The following DOK5 variants were observed in gnomAD, a reference collection of about 807,000 sequenced individuals.
DOK5 encodes the protein downstream of tyrosine kinase 5.
DOK5 carries 27 observed loss-of-function variants against 43.3 expected under a neutral mutation model. The ratio of observed to expected loss-of-function variants is 0.62; its 90% CI spans 0.46 to 0.86. The LOEUF (loss-of-function observed/expected upper bound fraction) is 0.86, where lower values mean the gene tolerates loss of function less well. DOK5 is among the 40% of genes least tolerant of loss of function. The probability of loss-of-function intolerance (pLI) is 0.00; values close to 1 mark genes in which losing one functional copy is unlikely to be tolerated. For missense variants in DOK5, 373 were observed against 392.9 expected, an observed-to-expected ratio of 0.95 and a Z score of 0.43; for synonymous variants, 146 against 140.1, an observed-to-expected ratio of 1.04 and a Z score of -0.30.
intron 1 of DOK5, among the ~76,000 whole-genome samples, chr20:54,481,493 C>T (rs574514502): frequency 1.1e-3 from 163 of 152,188 alleles, no homozygotes; most frequent in African/African-American, 3.7e-3. Context: ...TTTATTTCTT[C>T]TCCCTCTCCT....
intron 1 of DOK5, among the ~76,000 whole-genome samples, chr20:54,525,082 T>G (rs1983534442): frequency 6.6e-6 from 1 of 152,248 alleles, no homozygotes; most frequent in South Asian, 2.1e-4. Flanking sequence ...GGCATTGCTC[T>G]GAGCACTTGT....
At chr20:54,485,353 C>CAAA (rs546070379) in intron 1 of DOK5, among the ~76,000 whole-genome samples, 160 of 77,390 alleles carry the variant, frequency 2.1e-3, no homozygotes, top group African/African-American at 6.4e-3. Flanking sequence ...GACTCCGTCT[C>CAAA]AAAAAAAAAA....
intron 1 of DOK5, among the ~76,000 whole-genome samples, chr20:54,544,740 T>G (rs1176434862): frequency 1.3e-5 from 2 of 152,114 alleles, no homozygotes; most frequent in Non-Finnish European, 2.9e-5. Flanking sequence ...TCCTGTGTAC[T>G]GAGTCCACTC....
At position 54,588,588 on chromosome 20, in the gene DOK5, T is replaced by C; in HGVS notation, c.280T>C (p.Cys94Arg). Residue 94 changes from cysteine (C) to arginine (R), a missense_variant, in exon 3 of 8, where the codon TGC becomes CGC. Physicochemically the swap from Cys to Arg is radical, Grantham distance 180. Coordinates refer to ENST00000262593, the MANE Select transcript of DOK5 (RefSeq NM_018431.5). ...FNDDTSKTFA[C>R]ESDLEADEWC... ...TGACGATACCTCCAAGACTTTTGCT[T>C]GCGAATCAGGTTTGTCTCAGGCAGG... The C allele has an allele frequency of 6.2e-7, 1 of 1,614,178 alleles. No homozygotes were observed. Among genetic ancestry groups the C allele is most frequent in the Non-Finnish European group, 8.5e-7 (1 of 1,179,990 alleles).
At chr20:54,645,758 C>T (rs928985592) in intron 7 of DOK5, among the ~76,000 whole-genome samples, 5 of 152,024 alleles carry the variant, frequency 3.3e-5, no homozygotes, top group African/African-American at 1.2e-4. Context: ...GAGAGCTGTG[C>T]CTCCTTCTAT....
chr20:54,615,505 C>A (rs958031807), intron 6 of DOK5, among the ~76,000 whole-genome samples: 9 of 152,124 alleles, frequency 5.9e-5, no homozygotes, highest in Admixed American at 2.6e-4. Context: ...AGCAGAGAGA[C>A]AGAGATAGAG....
intron 6 of DOK5, among the ~76,000 whole-genome samples, chr20:54,610,922 A>G (rs1005632236): frequency 2.0e-5 from 3 of 152,234 alleles, no homozygotes; most frequent in African/African-American, 7.2e-5. Flanking sequence ...GTGAAATGTC[A>G]AAAGCCCAAG....
At chr20:54,602,201 G>T (rs1171057130) in intron 5 of DOK5, among the ~76,000 whole-genome samples, 3 of 152,196 alleles carry the variant, frequency 2.0e-5, no homozygotes, top group African/African-American at 7.2e-5. Context: ...TTTGATGCCG[G>T]ATCCTTTGCT....
intron 1 of DOK5, among the ~76,000 whole-genome samples, chr20:54,514,826 A>G (rs1228770842): frequency 1.3e-5 from 2 of 151,894 alleles, no homozygotes; most frequent in African/African-American, 4.8e-5. Context: ...TGTCACAGGG[A>G]GTTGAATTAC....
chr20:54,573,421 C>T (rs1985354960), intron 2 of DOK5, among the ~76,000 whole-genome samples: 1 of 152,134 alleles, frequency 6.6e-6, no homozygotes, highest in Non-Finnish European at 1.5e-5. Flanking sequence ...GGCGCGGTGG[C>T]TCATGCCTGT....
At chr20:54,592,610 G>A (rs1391548231) in intron 5 of DOK5, among the ~76,000 whole-genome samples, 7 of 150,162 alleles carry the variant, frequency 4.7e-5, no homozygotes, top group Non-Finnish European at 1.0e-4. Context: ...GCACAGTCTC[G>A]GCTCACTGCA....
intron 6 of DOK5, among the ~76,000 whole-genome samples, chr20:54,628,928 A>T (rs1302373131): frequency 6.6e-6 from 1 of 152,210 alleles, no homozygotes; most frequent in Admixed American, 6.5e-5. Flanking sequence ...TATGATCATC[A>T]TTCTTTTTTA....
intron 2 of DOK5, among the ~76,000 whole-genome samples, chr20:54,582,136 T>C (rs1325905728): frequency 6.6e-6 from 1 of 151,904 alleles, no homozygotes; most frequent in Non-Finnish European, 1.5e-5. Context: ...ATGATATACT[T>C]TTCATCCTTT....
intron 5 of DOK5, among the ~76,000 whole-genome samples, chr20:54,597,970 GGT>G (rs1420667600): frequency 6.7e-6 from 1 of 149,226 alleles, no homozygotes; most frequent in East Asian, 1.9e-4. Flanking sequence ...CAAAGATGCT[GGT>G]GATGTAAATA....
chr20:54,548,406 A>G (rs57628263), intron 1 of DOK5, among the ~76,000 whole-genome samples: 3,258 of 144,688 alleles, frequency 0.023, 115 homozygotes, highest in African/African-American at 0.077. Flanking sequence ...TAATTTTTGT[A>G]TTTTTTTTTT....
intron 1 of DOK5, 144 bp downstream of exon 1, chr20:54,476,156 C>T: frequency 6.6e-7 from 1 of 1,519,520 alleles, no homozygotes; most frequent in South Asian, 1.3e-5. Context: ...CCCGCGTCTC[C>T]GGGGCTGTCA....
chr20:54,644,549 CA>C (rs543925343), intron 7 of DOK5, among the ~76,000 whole-genome samples: 1 of 150,544 alleles, frequency 6.6e-6, no homozygotes, highest in Non-Finnish European at 1.5e-5. Flanking sequence ...CTAAAAAACA[CA>C]AAAAAATTAG....
intron 2 of DOK5, among the ~76,000 whole-genome samples, chr20:54,570,793 T>A (rs990418922): frequency 3.9e-5 from 6 of 152,350 alleles, no homozygotes; most frequent in African/African-American, 1.2e-4. Context: ...AGTAATCTTT[T>A]TGAAACAGCA....
chr20:54,558,492 T>C (rs1375524037), intron 2 of DOK5, among the ~76,000 whole-genome samples: 1 of 152,228 alleles, frequency 6.6e-6, no homozygotes, highest in Non-Finnish European at 1.5e-5. Context: ...TTAGATCTGA[T>C]ACATTTAGTA....
Sources: gnomAD v4.1 joint callset for allele counts (sites outside exome capture counted in the v4.1 genomes callset) on GRCh38, gnomAD v4.1.1 for gene constraint, MANE v1.5 for transcripts, NCBI Gene and HGNC (gene_info 2026-07-23, HGNC 2026-07-21) for gene names.